Variants in PRKCE observed in about 807,000 individuals in gnomAD.
PRKCE encodes the protein protein kinase C epsilon type.
In PRKCE, 16 loss-of-function variants were observed where a neutral mutation model predicts 85.4. The ratio of observed to expected loss-of-function variants is 0.19; its 90% CI spans 0.13 to 0.28. The LOEUF (loss-of-function observed/expected upper bound fraction) is 0.28. Ranked by LOEUF, PRKCE falls within the 10% of genes least tolerant of loss-of-function variation. The pLI is 1.00. For missense variants in PRKCE, 573 were observed against 975.2 expected, an observed-to-expected ratio of 0.59 and a Z score of 5.49; for synonymous variants, 388 against 371.5, an observed-to-expected ratio of 1.04 and a Z score of -0.51.
At chr2:45,678,692 A>AT (rs11366704) in intron 1 of PRKCE, among the ~76,000 whole-genome samples, 8,971 of 149,558 alleles carry the variant, frequency 0.06, 650 homozygotes, top group African/African-American at 0.17. Flanking sequence ...AATTATCTGG[A>AT]TTTTTTTTTT....
At chr2:45,854,833 T>G (rs967090813) in intron 2 of PRKCE, among the ~76,000 whole-genome samples, 1 of 152,142 alleles carries the variant, frequency 6.6e-6, no homozygotes, top group Non-Finnish European at 1.5e-5. Context: ...CCAAGTGGAA[T>G]AGAGAGAGAA....
intron 1 of PRKCE, among the ~76,000 whole-genome samples, chr2:45,776,491 C>T (rs1199687460): frequency 3.9e-5 from 6 of 152,188 alleles, no homozygotes; most frequent in Admixed American, 2.0e-4. Context: ...TCCTAATAAA[C>T]GGACCAAGCC....
chr2:45,957,368 C>T (rs1701041792), intron 2 of PRKCE, among the ~76,000 whole-genome samples: 1 of 152,226 alleles, frequency 6.6e-6, no homozygotes. Flanking sequence ...TGTTGAAAGA[C>T]TGCCATTTCT....
At chr2:45,686,841 T>A (rs954311136) in intron 1 of PRKCE, among the ~76,000 whole-genome samples, 27 of 152,014 alleles carry the variant, frequency 1.8e-4, no homozygotes, top group Non-Finnish European at 3.5e-4. Context: ...AGAATGAAAA[T>A]TTGTCTTTGG....
intron 1 of PRKCE, among the ~76,000 whole-genome samples, chr2:45,703,289 C>G (rs1484127579): frequency 1.3e-5 from 2 of 152,014 alleles, no homozygotes; most frequent in South Asian, 4.1e-4. Context: ...ATTCCTAGCA[C>G]TTTGGGAGCC....
At chr2:45,908,748 C>A (rs940339535) in intron 2 of PRKCE, among the ~76,000 whole-genome samples, 7 of 152,164 alleles carry the variant, frequency 4.6e-5, no homozygotes, top group African/African-American at 1.7e-4. Flanking sequence ...CGATAAGGTC[C>A]CACTGGGGCA....
At chr2:46,149,162 A>G (rs1055624887) in intron 12 of PRKCE, among the ~76,000 whole-genome samples, 1 of 152,194 alleles carries the variant, frequency 6.6e-6, no homozygotes, top group Non-Finnish European at 1.5e-5. Context: ...TGAGCAGACC[A>G]CAGAAAGTCC....
At chr2:46,147,475 C>T (rs565982499) in intron 12 of PRKCE, among the ~76,000 whole-genome samples, 2 of 152,186 alleles carry the variant, frequency 1.3e-5, no homozygotes, top group African/African-American at 4.8e-5. Context: ...AGCCACTCAG[C>T]TTTCATGAAA....
chr2:45,930,137 G>A (rs1470758094), intron 2 of PRKCE, among the ~76,000 whole-genome samples: 1 of 152,210 alleles, frequency 6.6e-6, no homozygotes, highest in African/African-American at 2.4e-5. Flanking sequence ...ATCCAGCTCA[G>A]TCACCTGATT....
chr2:46,178,940 A>G (rs1186682644), intron 14 of PRKCE, among the ~76,000 whole-genome samples: 1 of 152,160 alleles, frequency 6.6e-6, no homozygotes, highest in African/African-American at 2.4e-5. Context: ...TACGGAAGTC[A>G]TAAGAAGGAG....
At chr2:45,864,995 G>T (rs550725657) in intron 2 of PRKCE, among the ~76,000 whole-genome samples, 6 of 152,156 alleles carry the variant, frequency 3.9e-5, no homozygotes, top group Non-Finnish European at 7.3e-5. Flanking sequence ...AAGTTCTCAG[G>T]TAACCTGAGA....
intron 1 of PRKCE, among the ~76,000 whole-genome samples, chr2:45,799,982 C>A (rs1687730789): frequency 6.6e-6 from 1 of 152,222 alleles, no homozygotes. Flanking sequence ...GGATTTGAGA[C>A]TGTTTCCATG....
intron 2 of PRKCE, among the ~76,000 whole-genome samples, chr2:45,904,427 T>C (rs1030090974): frequency 1.3e-5 from 2 of 152,190 alleles, no homozygotes; most frequent in Admixed American, 1.3e-4. Context: ...CCTCTCACTT[T>C]TGGTATTTGT....
chr2:45,885,134 A>G (rs1042028287), intron 2 of PRKCE, among the ~76,000 whole-genome samples: 2 of 151,838 alleles, frequency 1.3e-5, no homozygotes, highest in Non-Finnish European at 2.9e-5. Flanking sequence ...TCTGGATTTA[A>G]AACAAATGTT....
At chr2:45,743,027 A>C (rs1366028976) in intron 1 of PRKCE, among the ~76,000 whole-genome samples, 1 of 152,242 alleles carries the variant, frequency 6.6e-6, no homozygotes, top group Non-Finnish European at 1.5e-5. Flanking sequence ...TCATAGAAAA[A>C]TAAATATTGC....
At chr2:45,846,280 T>G (rs909853222) in intron 2 of PRKCE, among the ~76,000 whole-genome samples, 5 of 152,216 alleles carry the variant, frequency 3.3e-5, no homozygotes, top group Admixed American at 6.5e-5. Flanking sequence ...AATTTGCATA[T>G]TATTTCTTAT....
chr2:46,080,421 A>G (rs1668964063), intron 10 of PRKCE, among the ~76,000 whole-genome samples: 1 of 152,252 alleles, frequency 6.6e-6, no homozygotes, highest in South Asian at 2.1e-4. Flanking sequence ...AAAATGGGCT[A>G]AAGTGAGAAT....
intron 2 of PRKCE, among the ~76,000 whole-genome samples, chr2:45,877,636 T>C (rs1694577224): frequency 6.6e-6 from 1 of 152,202 alleles, no homozygotes; most frequent in Non-Finnish European, 1.5e-5. Flanking sequence ...TCTAATATAT[T>C]TCTAAACTTT....
At position 45,652,046 on chromosome 2, in the gene PRKCE, A is replaced by T. The variant is rs986017109; in HGVS notation, c.-55A>T. On this transcript the variant is annotated 5_prime_UTR_variant, in exon 1 of 15. Transcript: ENST00000306156. The surrounding 1 kb of genome is among the most constrained non-coding windows in gnomAD (Gnocchi z 7.7). ...CGGAGTGCCGGGCCGTCGGTTCTTCATTCCTGCCCTCGGGGCAGACGGAGT... is the reference window on the plus strand; with the variant it reads ...CGGAGTGCCGGGCCGTCGGTTCTTCTTTCCTGCCCTCGGGGCAGACGGAGT... 2.1e-6 allele frequency: 3 copies of T among 1,409,580 alleles called. No individual in the cohort carries two copies. The highest frequency in any genetic ancestry group is 1.9e-6 in the Non-Finnish European group (2 of 1,038,052). 87.3% of individuals were successfully genotyped at this position (1,409,580 alleles called of 1,614,324 possible).
Sources: gnomAD v4.1 joint callset for allele counts (sites outside exome capture counted in the v4.1 genomes callset) on GRCh38, gnomAD v4.1.1 for gene constraint, Gnocchi (gnomAD v3.1) non-coding constraint, MANE v1.5 for transcripts, NCBI Gene and HGNC (gene_info 2026-07-23, HGNC 2026-07-21) for gene names.